BANK1: variants seen among roughly 807,000 people sequenced by gnomAD.
BANK1 encodes B cell scaffold protein with ankyrin repeats 1, also known as B-cell scaffold protein with ankyrin repeats.
A neutral mutation model predicts 94.5 loss-of-function variants in BANK1; 95 were observed. The observed-to-expected ratio is 1.00, with a 90% CI of 0.85 to 1.19. BANK1 has a LOEUF of 1.19. Ranked by LOEUF, BANK1 falls within the 50% of genes most tolerant of loss-of-function variation. The probability of loss-of-function intolerance (pLI) is 0.00; values close to 1 mark genes in which losing one functional copy is unlikely to be tolerated. For missense variants in BANK1, 987 were observed against 932.2 expected (o/e 1.06, Z -0.77); for synonymous variants, 334 against 308.4 (o/e 1.08, Z -0.87).
intron 1 of BANK1, among the ~76,000 whole-genome samples, chr4:101,819,153 G>T (rs957175435): frequency 1.3e-5 from 2 of 152,018 alleles, no homozygotes; most frequent in Admixed American, 6.6e-5. Context: ...AAATACCATG[G>T]TGGTATTTTC....
In BANK1 at chr4:101,832,894, T is replaced by TC. The variant is rs1560592862; in HGVS notation, c.469+2690dup. On this transcript the variant is annotated intron_variant, in intron 2 of 16. Coordinates refer to ENST00000322953, the MANE Select transcript of BANK1 (RefSeq NM_017935.5). ...TTCTTTGCTTTCTTTTTCCCTCCCT[T>TC]CCTCCCTTCCTTCCCTCCCTCTCTC... is the stretch of plus-strand genomic sequence containing the variant. 2.0e-5 allele frequency among the ~76,000 whole-genome samples: 3 copies of TC among 151,048 alleles called. No homozygotes were observed. In the East Asian group the frequency reaches 5.8e-4, roughly 29 times the overall value.
rs563373159 is a variant in BANK1 at position 101,867,391 on chromosome 4, G to A, written c.764-3114G>A. Among the ~76,000 whole-genome samples, 26 of 152,064 alleles carry A rather than the reference G, an allele frequency of 1.7e-4. No homozygotes were observed. In the South Asian group the frequency reaches 5.0e-3, roughly 29 times the overall value. ...GAAGGAGTTCATTACCAGCAGACCT[G>A]CCCTGCAAGAAATTTTAAAAGAAGT... is the stretch of plus-strand genomic sequence containing the variant. On this transcript the variant is annotated intron_variant, in intron 4 of 16. Transcript: ENST00000322953.
At chr4:101,987,842 A>T (rs967705245) in intron 7 of BANK1, among the ~76,000 whole-genome samples, 1 of 152,284 alleles carries the variant, frequency 6.6e-6, no homozygotes, top group East Asian at 1.9e-4. Context: ...TGATGTTGGT[A>T]TGGACACCAG....
At chr4:101,830,896 C>T (rs1247596447) in intron 2 of BANK1, among the ~76,000 whole-genome samples, 1 of 152,134 alleles carries the variant, frequency 6.6e-6, no homozygotes, top group Non-Finnish European at 1.5e-5. Context: ...TTATCTTGGC[C>T]ACACCAGATT....
intron 6 of BANK1, among the ~76,000 whole-genome samples, chr4:101,913,366 G>A (rs1033133548): frequency 9.9e-5 from 15 of 152,086 alleles, no homozygotes; most frequent in African/African-American, 3.6e-4. Context: ...CATTGTCTGG[G>A]TTTTCTAGTA....
chr4:101,943,675 C>T (rs1285246317), intron 7 of BANK1, among the ~76,000 whole-genome samples: 1 of 151,674 alleles, frequency 6.6e-6, no homozygotes, highest in Non-Finnish European at 1.5e-5. Flanking sequence ...CAGTTCTGGG[C>T]TGCAAGTAGA....
intron 2 of BANK1, among the ~76,000 whole-genome samples, chr4:101,851,537 G>A (rs1727476256): frequency 6.6e-6 from 1 of 152,196 alleles, no homozygotes; most frequent in African/African-American, 2.4e-5. Flanking sequence ...GTGGGAGATA[G>A]AGTAGAAGGA....
At chr4:102,033,166 C>T (rs1727388016) in intron 10 of BANK1, among the ~76,000 whole-genome samples, 1 of 152,196 alleles carries the variant, frequency 6.6e-6, no homozygotes. Flanking sequence ...TCAGAATGCA[C>T]AATTTAACTT....
rs115531723 is a variant in BANK1 at position 101,873,911 on chromosome 4, A to G, written c.903+3267A>G. Among the ~76,000 whole-genome samples, 386 of 152,314 alleles carry G rather than the reference A, an allele frequency of 2.5e-3. 3 individuals are homozygous for G. The highest frequency in any genetic ancestry group is 6.8e-3 in the Middle Eastern group (2 of 294). On this transcript the variant is annotated intron_variant, in intron 5 of 16. Coordinates refer to ENST00000322953, the MANE Select transcript of BANK1 (RefSeq NM_017935.5). ...ATTTACAAAAATGTCTTGGGGAAAT[A>G]ATAAAGTTAACTTTGTAACTAGATA...
At chr4:102,049,746 A>G (rs887800416) in intron 11 of BANK1, among the ~76,000 whole-genome samples, 2 of 152,172 alleles carry the variant, frequency 1.3e-5, no homozygotes, top group African/African-American at 4.8e-5. Flanking sequence ...CTCTTAATAG[A>G]CAGAAAACAC....
At chr4:101,807,964 A>C (rs1725615725) in intron 1 of BANK1, among the ~76,000 whole-genome samples, 1 of 151,946 alleles carries the variant, frequency 6.6e-6, no homozygotes, top group South Asian at 2.1e-4. Context: ...GCACACCTGT[A>C]GTCCCAGCTA....
chr4:101,854,935 G>A (rs544475062), intron 2 of BANK1, 100 bp from the exon 3 acceptor site: 23 of 853,314 alleles, frequency 2.7e-5, no homozygotes, highest in South Asian at 2.1e-4. Context: ...TCGGTTTCCC[G>A]TATATTAAAT....
At chr4:101,891,373 TATAG>T (rs1054501973) in intron 5 of BANK1, among the ~76,000 whole-genome samples, 4 of 152,136 alleles carry the variant, frequency 2.6e-5, no homozygotes, top group African/African-American at 4.8e-5. Flanking sequence ...GTTTTTACCA[TATAG>T]ATAAAGTTTT....
chr4:101,875,778 C>A (rs1728468761), intron 5 of BANK1, among the ~76,000 whole-genome samples: 1 of 152,144 alleles, frequency 6.6e-6, no homozygotes, highest in African/African-American at 2.4e-5. Context: ...CTTTCCACTA[C>A]TGGCTAAAGT....
intron 11 of BANK1, among the ~76,000 whole-genome samples, chr4:102,051,049 A>G (rs1475315282): frequency 6.6e-6 from 1 of 152,134 alleles, no homozygotes; most frequent in Non-Finnish European, 1.5e-5. Context: ...CAGGCAACAT[A>G]TCCTTTCTGT....
At chr4:101,791,357 G>A (rs2148846432) in intron 1 of BANK1, among the ~76,000 whole-genome samples, 1 of 152,332 alleles carries the variant, frequency 6.6e-6, no homozygotes, top group East Asian at 1.9e-4. Context: ...CCGCTCATGT[G>A]TAGCGTCACG....
intron 1 of BANK1, among the ~76,000 whole-genome samples, chr4:101,824,040 C>T (rs886359215): frequency 6.6e-5 from 10 of 152,274 alleles, no homozygotes; most frequent in South Asian, 2.1e-4. Flanking sequence ...AATAACACAG[C>T]GAGGAGTTAC....
chr4:101,829,918 C>T lies in BANK1; in HGVS notation c.181C>T (p.Arg61Cys), dbSNP rs769134760. Reference sequence around the variant, plus strand: ...GAAAAGGGAAGCCATCCTGTTATATCGCTTGGAGAATTTCTCTTTTCGGCA... The same window carrying T: ...GAAAAGGGAAGCCATCCTGTTATATTGCTTGGAGAATTTCTCTTTTCGGCA... ...VVKREAILLYRLENFSFRHLE... is the reference protein window; with the variant it reads ...VVKREAILLYCLENFSFRHLE... Residue 61 changes from arginine to cysteine, a missense_variant, in exon 2 of 17, where the codon CGC (arginine) becomes TGC (cysteine). Coordinates refer to ENST00000322953, the MANE Select transcript of BANK1 (RefSeq NM_017935.5). 44 of 1,613,912 alleles carry T rather than the reference C, an allele frequency of 2.7e-5. No homozygotes were observed. Among genetic ancestry groups the T allele is most frequent in the South Asian group, 1.2e-4 (11 of 91,068 alleles).
intron 7 of BANK1, among the ~76,000 whole-genome samples, chr4:102,018,029 C>A (rs891723780): frequency 4.6e-5 from 7 of 151,978 alleles, no homozygotes; most frequent in Non-Finnish European, 1.0e-4. Flanking sequence ...AGGTCATATC[C>A]ATAGATAGCC....
Sources: allele counts gnomAD v4.1 joint callset (sites outside exome capture counted in the v4.1 genomes callset), GRCh38; gene constraint gnomAD v4.1.1; transcripts MANE v1.5; gene names NCBI Gene and HGNC (gene_info 2026-07-23, HGNC 2026-07-21).